DPP6: variants seen among roughly 807,000 people sequenced by gnomAD.
The protein encoded by DPP6 is dipeptidyl peptidase like 6.
In DPP6, 69 loss-of-function variants were observed where a neutral mutation model predicts 122.6. That is an observed-to-expected ratio of 0.56 (90% confidence interval 0.46 to 0.69). DPP6 has a LOEUF of 0.69. Ranked by LOEUF, DPP6 falls within the 30% of genes least tolerant of loss-of-function variation. The pLI, the probability that DPP6 is intolerant of heterozygous loss-of-function variation, is 0.00. For missense variants in DPP6, 928 were observed against 1,116.9 expected, an observed-to-expected ratio of 0.83 and a Z score of 2.41; for synonymous variants, 418 against 433.1, an observed-to-expected ratio of 0.97 and a Z score of 0.43.
chr7:154,704,589 C>A (rs539345560), intron 7 of DPP6, among the ~76,000 whole-genome samples: 1 of 152,292 alleles, frequency 6.6e-6, no homozygotes, highest in Non-Finnish European at 1.5e-5. Flanking sequence ...CTTCAGCAAC[C>A]AGCCCCTGAT....
At chr7:154,463,302 G>C (rs931433602) in intron 2 of DPP6, among the ~76,000 whole-genome samples, 16 of 146,920 alleles carry the variant, frequency 1.1e-4, no homozygotes, top group Non-Finnish European at 1.5e-4. Flanking sequence ...CCGCCTCCCG[G>C]GTTCACGCCA....
At chr7:153,950,652 C>T (rs1039455689) in intron 1 of DPP6, among the ~76,000 whole-genome samples, 1 of 152,152 alleles carries the variant, frequency 6.6e-6, no homozygotes, top group East Asian at 1.9e-4. Flanking sequence ...TGGACTGTAG[C>T]ATTGCTTACA....
At chr7:154,230,982 G>A (rs998049419) in intron 1 of DPP6, among the ~76,000 whole-genome samples, 5 of 152,190 alleles carry the variant, frequency 3.3e-5, no homozygotes, top group African/African-American at 1.2e-4. Context: ...TCCATTCAGA[G>A]CACTGTAATT....
At chr7:154,889,173 A>G (rs1194951824) in intron 23 of DPP6, 99 bp from the exon 24 acceptor site, 7 of 1,497,750 alleles carry the variant, frequency 4.7e-6, no homozygotes, top group Middle Eastern at 2.2e-4. Context: ...AGTGTTTTCA[A>G]TACACTTCAC....
At chr7:153,925,470 T>TC (rs1800851405) in intron 1 of DPP6, among the ~76,000 whole-genome samples, 1 of 125,112 alleles carries the variant, frequency 8.0e-6, no homozygotes, top group African/African-American at 3.1e-5. Context: ...GATGAAGGGA[T>TC]ATCCTGCATG....
intron 7 of DPP6, among the ~76,000 whole-genome samples, chr7:154,679,112 G>A (rs1839121990): frequency 6.6e-6 from 1 of 152,196 alleles, no homozygotes; most frequent in African/African-American, 2.4e-5. Flanking sequence ...AGAAGCTAGG[G>A]TTGGTGTCCA....
intron 1 of DPP6, among the ~76,000 whole-genome samples, chr7:154,413,447 G>A (rs1816783399): frequency 6.6e-6 from 1 of 152,096 alleles, no homozygotes; most frequent in Middle Eastern, 3.2e-3. Context: ...TGTACTAAAG[G>A]CTTTATGGTA....
At chr7:153,833,750 A>C in the DPP6 span, among the ~76,000 whole-genome samples, 1 of 152,092 alleles carries the variant, frequency 6.6e-6, no homozygotes, top group Non-Finnish European at 1.5e-5. Flanking sequence ...TACACTACAT[A>C]GTTGGCATGC....
chr7:154,411,518 G>A (rs1204786316), intron 1 of DPP6, among the ~76,000 whole-genome samples: 1 of 152,172 alleles, frequency 6.6e-6, no homozygotes, highest in Non-Finnish European at 1.5e-5. Context: ...GGAGATTACA[G>A]GCATGAGCCA....
intron 1 of DPP6, among the ~76,000 whole-genome samples, chr7:153,951,933 C>T (rs1279926034): frequency 1.3e-5 from 2 of 152,170 alleles, no homozygotes; most frequent in Admixed American, 6.5e-5. Flanking sequence ...GTCCCAGCTA[C>T]TCGGGAGGCT....
intron 1 of DPP6, among the ~76,000 whole-genome samples, chr7:153,929,883 CAA>C (rs544527846): frequency 2.4e-4 from 36 of 152,258 alleles, no homozygotes; most frequent in African/African-American, 7.0e-4. Context: ...AATTCTAAGT[CAA>C]AGAGATTATG....
chr7:153,983,571 G>C (rs1379737060), intron 1 of DPP6, among the ~76,000 whole-genome samples: 2 of 152,044 alleles, frequency 1.3e-5, no homozygotes, highest in Non-Finnish European at 1.5e-5. Flanking sequence ...TGTCTCACTG[G>C]TGTTCCAGGA....
the DPP6 span, among the ~76,000 whole-genome samples, chr7:153,768,317 TATA>T: frequency 2.6e-5 from 4 of 151,486 alleles, no homozygotes; most frequent in Admixed American, 6.6e-5. Flanking sequence ...GCCAGAAACA[TATA>T]ATATTTTATC....
rs553903390 is a variant in DPP6 at position 154,397,433 on chromosome 7, A to G, written c.244-48781A>G. Among the ~76,000 whole-genome samples the G allele has an allele frequency of 1.4e-4, 22 of 152,324 alleles. No homozygotes were observed. In the South Asian group the frequency reaches 4.4e-3, roughly 30 times the overall value. ...AAACCTCCTTTAGAAACGAGAGAGT[A>G]TTCTAGAATCGTCCAATTGATAGAA... On this transcript the variant is annotated intron_variant, in intron 1 of 25. Transcript: ENST00000377770.
chr7:154,284,421 A>G (rs910032080), intron 1 of DPP6, among the ~76,000 whole-genome samples: 5 of 152,242 alleles, frequency 3.3e-5, no homozygotes, highest in African/African-American at 1.2e-4. Context: ...AACAATAACC[A>G]AAAGGGGGAA....
In DPP6 at chr7:154,686,650, A is replaced by G. The variant is rs561300682; in HGVS notation, c.762+17209A>G. Among the ~76,000 whole-genome samples the G allele has an allele frequency of 9.2e-5, 14 of 152,322 alleles. No individual in the cohort carries two copies. In the East Asian group the frequency reaches 1.2e-3, roughly 13 times the overall value. On this transcript the variant is annotated intron_variant, in intron 7 of 25. Transcript: ENST00000377770. ...ACGTTCCTCCTGGAGAGGGTGGGTC[A>G]GTTATCCAGCACAGCATTCCTCACA...
At chr7:153,870,140 C>G in the DPP6 span, among the ~76,000 whole-genome samples, 55 of 152,220 alleles carry the variant, frequency 3.6e-4, no homozygotes, top group Middle Eastern at 6.8e-3. Flanking sequence ...TGGAGTTGCT[C>G]TTCTCGAGGA....
chr7:153,777,381 C>T, the DPP6 span, among the ~76,000 whole-genome samples: 1 of 144,856 alleles, frequency 6.9e-6, no homozygotes, highest in African/African-American at 2.6e-5. Flanking sequence ...GCATCTCGTC[C>T]CTGGGTATTT....
chr7:154,696,641 T>G (rs1202163016), intron 7 of DPP6, among the ~76,000 whole-genome samples: 1 of 152,222 alleles, frequency 6.6e-6, no homozygotes, highest in Non-Finnish European at 1.5e-5. Context: ...ACTCATGGGC[T>G]CTGTCCTGTT....
Sources: gnomAD v4.1 joint callset for allele counts (sites outside exome capture counted in the v4.1 genomes callset) on GRCh38, gnomAD v4.1.1 for gene constraint, MANE v1.5 for transcripts, NCBI Gene and HGNC (gene_info 2026-07-23, HGNC 2026-07-21) for gene names.